The following CIITA variants were observed in gnomAD, a reference collection of about 807,000 sequenced individuals.
The protein encoded by CIITA is MHC class II transactivator.
Under a neutral mutation model 115.1 loss-of-function variants are expected in CIITA, and 72 were observed. The ratio of observed to expected loss-of-function variants is 0.63; its 90% CI spans 0.52 to 0.76. CIITA has a LOEUF of 0.76. Ranked by LOEUF, CIITA falls within the 30% of genes least tolerant of loss-of-function variation. CIITA has a pLI of 0.00. For synonymous variants in CIITA, 763 were observed against 635.6 expected (o/e 1.20, Z -3.02); for missense variants, 1,617 against 1,463.8 (o/e 1.10, Z -1.71).
upstream of CIITA, among the ~76,000 whole-genome samples, chr16:10,875,913 T>C (rs979830423): frequency 8.5e-5 from 13 of 152,062 alleles, no homozygotes; most frequent in Middle Eastern, 6.8e-3. Context: ...GAGCTTGCAG[T>C]GAGCCAAGAT....
chr16:10,917,545 G>T (rs142634895), intron 15 of CIITA, among the ~76,000 whole-genome samples: 2 of 149,584 alleles, frequency 1.3e-5, no homozygotes, highest in Non-Finnish European at 2.9e-5. Flanking sequence ...GCAGTGGTAC[G>T]ATCTATTTAT....
chr16:10,882,146 T>A (rs1596444393), intron 1 of CIITA, among the ~76,000 whole-genome samples: 1 of 152,244 alleles, frequency 6.6e-6, no homozygotes, highest in East Asian at 1.9e-4. Context: ...AATATCTGTC[T>A]GACTCCCCGC....
At chr16:10,899,800 C>T (rs530447469) in intron 5 of CIITA, among the ~76,000 whole-genome samples, 1 of 152,316 alleles carries the variant, frequency 6.6e-6, no homozygotes, top group Admixed American at 6.5e-5. Context: ...TCAGTGAAGG[C>T]TGGGCGCAGC....
intron 1 of CIITA, among the ~76,000 whole-genome samples, chr16:10,893,226 A>G (rs896582833): frequency 6.6e-6 from 1 of 152,158 alleles, no homozygotes; most frequent in African/African-American, 2.4e-5. Context: ...CTCCAGAACC[A>G]TGAGAGAATA....
intron 5 of CIITA, 64 bp downstream of exon 5, chr16:10,899,066 A>C: frequency 2.0e-6 from 3 of 1,512,860 alleles, no homozygotes; most frequent in Non-Finnish European, 2.8e-6. Context: ...CTTGACTCCA[A>C]AGCCTGCTGT....
intron 1 of CIITA, among the ~76,000 whole-genome samples, chr16:10,882,933 G>A (rs772289784): frequency 2.6e-5 from 4 of 152,176 alleles, no homozygotes; most frequent in East Asian, 3.9e-4. Context: ...TCCTGGGCCC[G>A]GCTGCAGACT....
At chr16:10,904,365 G>A (rs1399658899) in intron 9 of CIITA, among the ~76,000 whole-genome samples, 1 of 152,076 alleles carries the variant, frequency 6.6e-6, no homozygotes, top group East Asian at 1.9e-4. Flanking sequence ...GGAATTACAG[G>A]TGTGCACCGT....
intron 16 of CIITA, among the ~76,000 whole-genome samples, chr16:10,921,499 C>T (rs1360326256): frequency 6.6e-6 from 1 of 152,168 alleles, no homozygotes; most frequent in South Asian, 2.1e-4. Flanking sequence ...TCATTCTAGG[C>T]ACCAAGGCAT....
At chr16:10,939,651 A>T (rs914748281), downstream of CIITA, 5 of 152,208 alleles carry the variant, frequency 3.3e-5, no homozygotes, top group Admixed American at 3.3e-4. The surrounding 1 kb of genome is among the most constrained non-coding windows in gnomAD (Gnocchi z 4.9). Flanking sequence ...CCCTCAGCTA[A>T]AGCAGCCCAC....
At chr16:10,891,047 CTG>C (rs1300053995) in intron 1 of CIITA, among the ~76,000 whole-genome samples, 2 of 152,184 alleles carry the variant, frequency 1.3e-5, no homozygotes, top group African/African-American at 2.4e-5. Context: ...ATTTCTCTGA[CTG>C]TGTGCTTAAC....
At chr16:10,905,596 A>C (rs760952248) in intron 10 of CIITA, among the ~76,000 whole-genome samples, 7 of 152,040 alleles carry the variant, frequency 4.6e-5, no homozygotes, top group Non-Finnish European at 8.8e-5. Flanking sequence ...CCCCGTCTCC[A>C]TTAAAAAATA....
intron 5 of CIITA, 79 bp downstream of exon 5, chr16:10,899,081 C>A: frequency 1.4e-6 from 2 of 1,392,032 alleles, no homozygotes; most frequent in Non-Finnish European, 2.0e-6. Flanking sequence ...TGCTGTGGGT[C>A]CAACTTGCTT....
intron 8 of CIITA, among the ~76,000 whole-genome samples, chr16:10,903,193 G>C (rs1309461227): frequency 6.6e-6 from 1 of 152,192 alleles, no homozygotes; most frequent in Admixed American, 6.5e-5. Context: ...GATGTGAATA[G>C]TTTGGTGTGC....
rs2041103271 is a variant in CIITA at position 10,941,576 on chromosome 16, G to A, written n.702G>A. The stretch of plus-strand genomic sequence containing the variant: ...TTCAGAGAGGGCACTTACAGGCCTC[G>A]GAGGCAGGGGAGGGTCTCCTCCTGG... On this transcript the variant is annotated non_coding_transcript_exon_variant, in exon 2 of 2. Coordinates refer to the CIITA transcript ENST00000573379. This position sits in a 1 kb window ranked among gnomAD's most constrained non-coding sequence, Gnocchi z 6.4. 2 of 1,455,614 alleles carry A rather than the reference G, an allele frequency of 1.4e-6. No individual in the cohort carries two copies. The highest frequency in any genetic ancestry group is 2.9e-5 in the South Asian group (2 of 67,866). The allele number at this position is 1,455,614 out of a possible 1,614,324, so 90.2% of individuals were successfully genotyped here.
chr16:10,906,682 T>G lies in CIITA; in HGVS notation c.1190T>G (p.Leu397Arg), dbSNP rs766572360. 3.1e-6 allele frequency: 5 copies of G among 1,613,054 alleles called. No individual in the cohort carries two copies. The highest frequency in any genetic ancestry group is 4.2e-6 in the Non-Finnish European group (5 of 1,179,976). Residue 397 changes from leucine (L) to arginine (R), a missense_variant, in exon 11 of 20, where the codon CTG becomes CGG. Transcript: ENST00000324288. ...GAACGGCAGCTGGCCCAAGGAGGCCTGGCTGAGGTGCTGTTGGCTGCCAAG... is the reference window on the plus strand; with the variant it reads ...GAACGGCAGCTGGCCCAAGGAGGCCGGGCTGAGGTGCTGTTGGCTGCCAAG... ...WAERQLAQGG[L>R]AEVLLAAKEH...
Position 10,910,067 on chromosome 16 carries a change from G to A in CIITA, c.2817-121G>A, listed in dbSNP as rs372029883. On this transcript the variant is annotated intron_variant, in intron 12 of 19. Coordinates refer to ENST00000324288, the MANE Select transcript of CIITA (RefSeq NM_000246.4). Reference sequence around the variant, plus strand: ...TTTTTTTAAGAGGGGGACAACAGTTGCCCCAAGGAAAGCAATCCCCCTGGG... The same window carrying A: ...TTTTTTTAAGAGGGGGACAACAGTTACCCCAAGGAAAGCAATCCCCCTGGG... The A allele has an allele frequency of 1.2e-5, 9 of 778,038 alleles. No homozygotes were observed. The East Asian group carries it at 1.6e-4, about 14-fold the overall frequency. The allele number at this position is 778,038 out of a possible 1,614,324, so 48.2% of individuals were successfully genotyped here. A position where few individuals can be genotyped will look rare whatever the true frequency, so the allele number is the denominator to read the frequency against.
In CIITA at chr16:10,925,820, T is replaced by C. The variant is rs2040509120; in HGVS notation, c.*1965T>C. ...TAAAATTCAGTGGAAAATTAATTGT[T>C]TGGGGATGAGAAAGGTTGAAGCACC... On this transcript the variant is annotated 3_prime_UTR_variant, in exon 20 of 20. Transcript: ENST00000324288. The C allele has an allele frequency of 6.6e-6, 1 of 152,228 alleles. No homozygotes were observed. The highest frequency in any genetic ancestry group is 1.9e-4 in the East Asian group (1 of 5,200). 9.4% of individuals were successfully genotyped at this position (152,228 alleles called of 1,614,324 possible). A position where few individuals can be genotyped will look rare whatever the true frequency, so the allele number is the denominator to read the frequency against.
In CIITA at chr16:10,898,738, T is replaced by C. The variant is rs767127905; in HGVS notation, c.358+6T>C. ...CCTGAGCAAGGACATTTTCAGTAAG[T>C]TTGTGGTGGGTGGGGAGGTCTTGGC... is the stretch of plus-strand genomic sequence containing the variant. On this transcript the variant is annotated splice_donor_region_variant and intron_variant, in intron 4 of 19. Coordinates refer to ENST00000324288, the MANE Select transcript of CIITA (RefSeq NM_000246.4). The C allele has an allele frequency of 3.7e-6, 6 of 1,611,216 alleles. No homozygotes were observed. The highest frequency in any genetic ancestry group is 4.2e-6 in the Non-Finnish European group (5 of 1,178,838).
chr16:10,922,784 T>C (rs2040345126), intron 18 of CIITA: 3 of 538,306 alleles, frequency 5.6e-6, no homozygotes, highest in Non-Finnish European at 1.0e-5. Context: ...CCATATGAAA[T>C]TGCTGACATC....
Sources: allele counts gnomAD v4.1 joint callset (sites outside exome capture counted in the v4.1 genomes callset), GRCh38; gene constraint gnomAD v4.1.1; non-coding constraint Gnocchi (gnomAD v3.1); transcripts MANE v1.5; gene names NCBI Gene and HGNC (gene_info 2026-07-23, HGNC 2026-07-21).